Variants in CNTNAP2 observed in about 807,000 individuals in gnomAD.
CNTNAP2 encodes contactin associated protein 2.
A neutral mutation model predicts 155.2 loss-of-function variants in CNTNAP2; 98 were observed. The ratio of observed to expected loss-of-function variants is 0.63; its 90% CI spans 0.54 to 0.75. The LOEUF is 0.75. Among genes scored for constraint, CNTNAP2 ranks in the 30% least tolerant of loss-of-function variants. CNTNAP2 has a pLI of 0.00. For synonymous variants in CNTNAP2, 651 were observed against 631.2 expected (o/e 1.03, Z -0.47); for missense variants, 1,727 against 1,688.1 (o/e 1.02, Z -0.40).
intron 15 of CNTNAP2, among the ~76,000 whole-genome samples, chr7:148,050,114 C>T (rs1406089422): frequency 1.3e-5 from 2 of 152,244 alleles, no homozygotes. Flanking sequence ...AAGCCAAGAT[C>T]GCGCCACTGC....
chr7:146,935,191 A>G (rs1796886384), intron 3 of CNTNAP2, among the ~76,000 whole-genome samples: 2 of 152,144 alleles, frequency 1.3e-5, no homozygotes, highest in Admixed American at 1.3e-4. Flanking sequence ...CAAGATCATG[A>G]ATCAAGACTT....
At chr7:147,920,723 C>T (rs1325968557) in intron 14 of CNTNAP2, among the ~76,000 whole-genome samples, 1 of 151,874 alleles carries the variant, frequency 6.6e-6, no homozygotes, top group African/African-American at 2.4e-5. Flanking sequence ...AGTCATATGC[C>T]TCCTGCTGAA....
chr7:147,797,065 G>A (rs1797908434), intron 13 of CNTNAP2, among the ~76,000 whole-genome samples: 1 of 152,144 alleles, frequency 6.6e-6, no homozygotes, highest in Non-Finnish European at 1.5e-5. Context: ...CTGAGTGTCA[G>A]TCCCTCTCAA....
intron 1 of CNTNAP2, among the ~76,000 whole-genome samples, chr7:146,380,840 C>CAGGCTGG (rs1795374208): frequency 8.7e-6 from 1 of 114,754 alleles, no homozygotes; most frequent in Non-Finnish European, 1.6e-5. Context: ...CGCTGTCGCC[C>CAGGCTGG]AGGCTGGAGT....
At chr7:146,829,717 G>A (rs1339684717) in intron 2 of CNTNAP2, among the ~76,000 whole-genome samples, 1 of 152,038 alleles carries the variant, frequency 6.6e-6, no homozygotes, top group Non-Finnish European at 1.5e-5. Context: ...CTTTTGAAGA[G>A]TGGAAGATGG....
chr7:147,745,361 A>G (rs1797021132), intron 13 of CNTNAP2, among the ~76,000 whole-genome samples: 1 of 152,236 alleles, frequency 6.6e-6, no homozygotes, highest in Admixed American at 6.5e-5. Flanking sequence ...AGTATGTAGC[A>G]TAATATCAAA....
At chr7:147,525,502 G>T (rs938731995) in intron 11 of CNTNAP2, among the ~76,000 whole-genome samples, 1 of 152,200 alleles carries the variant, frequency 6.6e-6, no homozygotes, top group Non-Finnish European at 1.5e-5. Flanking sequence ...TGAGATACCA[G>T]ATACTTGTGG....
chr7:147,313,736 G>C (rs1261204357), intron 9 of CNTNAP2, among the ~76,000 whole-genome samples: 1 of 152,098 alleles, frequency 6.6e-6, no homozygotes, highest in Non-Finnish European at 1.5e-5. Context: ...GGACTGACTT[G>C]GCGATGCGGG....
chr7:146,474,493 G>C (rs750991528), intron 1 of CNTNAP2, among the ~76,000 whole-genome samples: 2 of 150,204 alleles, frequency 1.3e-5, no homozygotes, highest in Non-Finnish European at 1.5e-5. Flanking sequence ...GAATGCTGTT[G>C]TTCTTCACAT....
At chr7:147,464,006 A>G (rs1798069365) in intron 10 of CNTNAP2, among the ~76,000 whole-genome samples, 2 of 150,850 alleles carry the variant, frequency 1.3e-5, no homozygotes, top group South Asian at 4.2e-4. Context: ...ATTAGAGAGA[A>G]TGTGTCTGGC....
At chr7:146,299,752 T>C (rs1332320914) in intron 1 of CNTNAP2, among the ~76,000 whole-genome samples, 5 of 152,070 alleles carry the variant, frequency 3.3e-5, no homozygotes, top group African/African-American at 1.2e-4. Context: ...GTACGACTTA[T>C]GTGAAACCTT....
chr7:147,008,558 A>T (rs1022879036), intron 3 of CNTNAP2, among the ~76,000 whole-genome samples: 2 of 150,656 alleles, frequency 1.3e-5, no homozygotes, highest in African/African-American at 2.5e-5. Context: ...CAAACAAAAT[A>T]AAAAAAACAG....
chr7:148,342,818 A>T (rs1274754244), intron 21 of CNTNAP2, among the ~76,000 whole-genome samples: 2 of 152,238 alleles, frequency 1.3e-5, no homozygotes, highest in African/African-American at 2.4e-5. Flanking sequence ...TAGAAACAAA[A>T]ACTATTTCAG....
intron 13 of CNTNAP2, among the ~76,000 whole-genome samples, chr7:147,813,886 G>A (rs1314089940): frequency 1.3e-5 from 2 of 152,092 alleles, no homozygotes; most frequent in African/African-American, 4.8e-5. Flanking sequence ...CGTTTTAAAA[G>A]AATATTATAG....
At chr7:147,477,236 C>G (rs1798338986) in intron 10 of CNTNAP2, among the ~76,000 whole-genome samples, 1 of 152,060 alleles carries the variant, frequency 6.6e-6, no homozygotes. Context: ...TTAAAATTTA[C>G]TTTTTTAAGA....
intron 1 of CNTNAP2, among the ~76,000 whole-genome samples, chr7:146,561,306 G>A (rs549452110): frequency 6.6e-6 from 1 of 152,160 alleles, no homozygotes; most frequent in East Asian, 1.9e-4. Flanking sequence ...ATATATAAAA[G>A]GGGCCATTAC....
At chr7:147,820,098 A>G (rs1584972963) in intron 13 of CNTNAP2, among the ~76,000 whole-genome samples, 1 of 152,244 alleles carries the variant, frequency 6.6e-6, no homozygotes, top group South Asian at 2.1e-4. Context: ...AGTTATACCT[A>G]TTTACATATC....
Position 147,057,219 on chromosome 7 carries a change from T to C in CNTNAP2, c.550+13165T>C, listed in dbSNP as rs1584809395. ...AAACAACAGGAGAATGCAATGTGTTTCCTCCTTTGTCAACCAACAGTGTGG... is the reference window on the plus strand; with the variant it reads ...AAACAACAGGAGAATGCAATGTGTTCCCTCCTTTGTCAACCAACAGTGTGG... On this transcript the variant is annotated intron_variant, in intron 4 of 23. Coordinates refer to ENST00000361727, the MANE Select transcript of CNTNAP2 (RefSeq NM_014141.6). 2.0e-5 allele frequency among the ~76,000 whole-genome samples: 3 copies of C among 152,270 alleles called. No individual in the cohort carries two copies. In the South Asian group the frequency reaches 6.2e-4, roughly 32 times the overall value.
intron 11 of CNTNAP2, among the ~76,000 whole-genome samples, chr7:147,499,847 G>A (rs184659131): frequency 2.0e-4 from 31 of 152,268 alleles, no homozygotes; most frequent in Admixed American, 1.7e-3. Flanking sequence ...GCAAGGCTGA[G>A]AACACTAGTG....
Sources: gnomAD v4.1 joint callset for allele counts (sites outside exome capture counted in the v4.1 genomes callset) on GRCh38, gnomAD v4.1.1 for gene constraint, MANE v1.5 for transcripts, NCBI Gene and HGNC (gene_info 2026-07-23, HGNC 2026-07-21) for gene names.